Variants in HPSE2 observed in about 807,000 individuals in gnomAD.
HPSE2 encodes the protein inactive heparanase-2.
HPSE2 carries 38 observed loss-of-function variants against 60.5 expected under a neutral mutation model. That is an observed-to-expected ratio of 0.63 (90% CI 0.48 to 0.82). The LOEUF is 0.82. HPSE2 is among the 40% of genes least tolerant of loss of function. HPSE2 has a pLI of 0.00. For missense variants in HPSE2, 713 were observed against 740.4 expected (o/e 0.96, Z 0.43); for synonymous variants, 295 against 293.2 (o/e 1.01, Z -0.06).
chr10:98,878,030 G>A (rs1952923440), intron 3 of HPSE2, among the ~76,000 whole-genome samples: 1 of 151,872 alleles, frequency 6.6e-6, no homozygotes, highest in African/African-American at 2.4e-5. Context: ...GAGAAATTAT[G>A]TGACCTGGAA....
intron 3 of HPSE2, among the ~76,000 whole-genome samples, chr10:98,856,489 GA>G (rs1047475971): frequency 1.3e-5 from 2 of 151,740 alleles, no homozygotes; most frequent in Admixed American, 6.6e-5. Context: ...GCAGCTAGAG[GA>G]AAAAAATGCA....
chr10:99,185,404 A>T (rs1847966104), intron 2 of HPSE2, among the ~76,000 whole-genome samples: 1 of 152,184 alleles, frequency 6.6e-6, no homozygotes, highest in Non-Finnish European at 1.5e-5. Context: ...TACCATAATC[A>T]TCATAACCGA....
At chr10:98,606,207 A>T (rs1359336181) in intron 9 of HPSE2, among the ~76,000 whole-genome samples, 1 of 152,226 alleles carries the variant, frequency 6.6e-6, no homozygotes, top group Non-Finnish European at 1.5e-5. Flanking sequence ...TGAATGATAG[A>T]CAGTACTAAA....
chr10:98,675,017 ATAAT>A (rs1173103412), intron 6 of HPSE2, among the ~76,000 whole-genome samples: 7 of 152,240 alleles, frequency 4.6e-5, no homozygotes, highest in Admixed American at 1.3e-4. Context: ...CATAACAATG[ATAAT>A]TAATAATTAT....
chr10:98,874,952 G>A, intron 3 of HPSE2, among the ~76,000 whole-genome samples: 1 of 152,072 alleles, frequency 6.6e-6, no homozygotes, highest in East Asian at 1.9e-4. Flanking sequence ...GCATCCCAAG[G>A]ATGAAGCTGA....
chr10:99,073,349 A>T (rs534112559), intron 3 of HPSE2, among the ~76,000 whole-genome samples: 2 of 152,306 alleles, frequency 1.3e-5, no homozygotes, highest in East Asian at 3.9e-4. Flanking sequence ...GCTGGAAGCC[A>T]TTATCCTCAG....
intron 3 of HPSE2, among the ~76,000 whole-genome samples, chr10:98,799,532 T>C (rs1402424653): frequency 6.6e-6 from 1 of 152,192 alleles, no homozygotes; most frequent in Non-Finnish European, 1.5e-5. Context: ...AGACTATATG[T>C]TAGGTCACAA....
the HPSE2 span, among the ~76,000 whole-genome samples, chr10:99,263,745 C>A: frequency 2.0e-5 from 3 of 152,010 alleles, no homozygotes; most frequent in East Asian, 5.8e-4. Context: ...AAAAAAAAAT[C>A]TCCTTCCAGC....
At chr10:98,679,693 G>T (rs181555713) in intron 6 of HPSE2, among the ~76,000 whole-genome samples, 1 of 151,982 alleles carries the variant, frequency 6.6e-6, no homozygotes, top group Non-Finnish European at 1.5e-5. Flanking sequence ...GATTATTTTA[G>T]TTTTCGTTTT....
chr10:99,126,926 C>G lies in HPSE2; in HGVS notation c.610+17312G>C, dbSNP rs571440085. ...TCATTGCAGTCTGGCTCCCAGAAAGCCCCATCCCTAGGGGAAGGGGAAGAG... is the reference window on the plus strand; with the variant it reads ...TCATTGCAGTCTGGCTCCCAGAAAGGCCCATCCCTAGGGGAAGGGGAAGAG... On this transcript the variant is annotated intron_variant, in intron 3 of 11. Coordinates refer to ENST00000370552, the MANE Select transcript of HPSE2 (RefSeq NM_021828.5). This position sits in a 1 kb window ranked among gnomAD's most constrained non-coding sequence, Gnocchi z 4.0. Among the ~76,000 whole-genome samples, 2 of 152,250 alleles carry G rather than the reference C, an allele frequency of 1.3e-5. No individual in the cohort carries two copies. The highest frequency in any genetic ancestry group is 4.8e-5 in the African/African-American group (2 of 41,554).
the HPSE2 span, among the ~76,000 whole-genome samples, chr10:99,284,122 TC>T: frequency 6.6e-6 from 1 of 152,104 alleles, no homozygotes; most frequent in African/African-American, 2.4e-5. Flanking sequence ...ATGTTAATAA[TC>T]CTCAACAAAC....
At chr10:98,953,689 A>C (rs982954554) in intron 3 of HPSE2, among the ~76,000 whole-genome samples, 3 of 152,152 alleles carry the variant, frequency 2.0e-5, no homozygotes, top group Admixed American at 6.5e-5. Context: ...TAGAGAGTGA[A>C]AAAAACAGGC....
At chr10:99,222,496 A>C (rs1849347129) in intron 2 of HPSE2, among the ~76,000 whole-genome samples, 1 of 152,230 alleles carries the variant, frequency 6.6e-6, no homozygotes, top group Non-Finnish European at 1.5e-5. Context: ...AACTTGAAGG[A>C]AGAATAAGTC....
At chr10:99,117,417 G>GAAAAAAAAAAAAAAAAAAAAAAAAAAAAA (rs1157232317) in intron 3 of HPSE2, among the ~76,000 whole-genome samples, 2 of 24,802 alleles carry the variant, frequency 8.1e-5, no homozygotes, top group Non-Finnish European at 1.2e-4. Flanking sequence ...TTGTTTTTTT[G>GAAAAAAAAAAAAAAAAAAAAAAAAAAAAA]AAAAAAAAAA....
chr10:99,217,039 G>A (rs1490465630), intron 2 of HPSE2, among the ~76,000 whole-genome samples: 2 of 151,954 alleles, frequency 1.3e-5, no homozygotes, highest in Admixed American at 1.3e-4. Flanking sequence ...GCCTATGATA[G>A]CCCTAGGAAA....
intron 2 of HPSE2, among the ~76,000 whole-genome samples, chr10:99,194,458 A>G (rs1445218867): frequency 6.6e-6 from 1 of 151,916 alleles, no homozygotes; most frequent in Non-Finnish European, 1.5e-5. Flanking sequence ...AACAAAAAAT[A>G]CAAAGGATTG....
intron 3 of HPSE2, among the ~76,000 whole-genome samples, chr10:99,136,644 T>A (rs1315726903): frequency 6.6e-6 from 1 of 152,106 alleles, no homozygotes; most frequent in Non-Finnish European, 1.5e-5. Context: ...AAAAACCACA[T>A]GATTATCTCA....
intron 2 of HPSE2, among the ~76,000 whole-genome samples, chr10:99,152,963 C>T (rs1034837567): frequency 1.3e-5 from 2 of 152,238 alleles, no homozygotes; most frequent in Non-Finnish European, 2.9e-5. Flanking sequence ...CAGGGAGTTC[C>T]CTTTCCGAGT....
intron 3 of HPSE2, among the ~76,000 whole-genome samples, chr10:98,938,500 T>C (rs934114028): frequency 7.0e-6 from 1 of 143,050 alleles, no homozygotes; most frequent in Non-Finnish European, 1.5e-5. Context: ...TGATGGAAGA[T>C]GAAATGAATG....
Sources: allele counts gnomAD v4.1 joint callset (sites outside exome capture counted in the v4.1 genomes callset), GRCh38; gene constraint gnomAD v4.1.1; non-coding constraint Gnocchi (gnomAD v3.1); transcripts MANE v1.5; gene names NCBI Gene and HGNC (gene_info 2026-07-23, HGNC 2026-07-21).